The following GLIS3 variants were observed in gnomAD, a reference collection of about 807,000 sequenced individuals.
The protein encoded by GLIS3 is GLIS family zinc finger 3, also known as zinc finger protein GLIS3.
Under a neutral mutation model 78.6 loss-of-function variants are expected in GLIS3, and 53 were observed. The observed-to-expected ratio is 0.67, with a 90% CI of 0.54 to 0.85. The LOEUF (loss-of-function observed/expected upper bound fraction) is 0.85. Ranked by LOEUF, GLIS3 falls within the 40% of genes least tolerant of loss-of-function variation. The pLI, the probability that GLIS3 is intolerant of heterozygous loss-of-function variation, is 0.00. For synonymous variants in GLIS3, 684 were observed against 509.9 expected (o/e 1.34, Z -4.60); for missense variants, 1,703 against 1,231.1 (o/e 1.38, Z -5.74).
intron 2 of GLIS3, among the ~76,000 whole-genome samples, chr9:4,143,127 G>C (rs182325793): frequency 4.4e-4 from 67 of 152,170 alleles, no homozygotes; most frequent in African/African-American, 1.6e-3. Flanking sequence ...GTAAATGTAA[G>C]ATGTATAATG....
chr9:3,970,287 A>T (rs1818283500), intron 4 of GLIS3, among the ~76,000 whole-genome samples: 1 of 152,162 alleles, frequency 6.6e-6, no homozygotes, highest in Non-Finnish European at 1.5e-5. Context: ...CATAAACAAG[A>T]TTTTTTAATG....
chr9:4,414,362 T>C, the GLIS3 span, among the ~76,000 whole-genome samples: 20 of 152,340 alleles, frequency 1.3e-4, no homozygotes, highest in African/African-American at 4.3e-4. Flanking sequence ...AATGTGAGTA[T>C]GCAGAACTTC....
chr9:4,410,475 T>C, the GLIS3 span, among the ~76,000 whole-genome samples: 3 of 152,222 alleles, frequency 2.0e-5, no homozygotes, highest in African/African-American at 7.2e-5. Flanking sequence ...AAAGAATTCA[T>C]GCATCTATTG....
At chr9:4,444,979 T>C in the GLIS3 span, among the ~76,000 whole-genome samples, 1,877 of 152,288 alleles carry the variant, frequency 0.012, 37 homozygotes, top group African/African-American at 0.042. Flanking sequence ...ACATGGAACC[T>C]CTCCCGTTGC....
intron 2 of GLIS3, among the ~76,000 whole-genome samples, chr9:4,170,981 TG>T (rs1212922187): frequency 2.0e-5 from 3 of 152,168 alleles, no homozygotes; most frequent in Admixed American, 2.0e-4. Flanking sequence ...AACTGTGTCA[TG>T]GTAGCACATG....
the GLIS3 span, among the ~76,000 whole-genome samples, chr9:4,461,739 C>G: frequency 1.3e-5 from 2 of 152,148 alleles, no homozygotes; most frequent in East Asian, 3.9e-4. Flanking sequence ...TTTCCCTCAC[C>G]CAATATCAGC....
intron 8 of GLIS3, among the ~76,000 whole-genome samples, chr9:3,876,374 G>A (rs1340658432): frequency 1.3e-5 from 2 of 151,508 alleles, no homozygotes; most frequent in African/African-American, 4.8e-5. Context: ...ATCACAAAAA[G>A]GAAAACAAAC....
chr9:3,862,537 A>G (rs1820280358), intron 8 of GLIS3, among the ~76,000 whole-genome samples: 1 of 152,158 alleles, frequency 6.6e-6, no homozygotes, highest in Non-Finnish European at 1.5e-5. Context: ...TTCTTTAACA[A>G]AATTTACTAA....
rs140261015 is a variant in GLIS3, at chr9:4,134,256, G to T, written c.389-8315C>A. Among the ~76,000 whole-genome samples, 701 of 152,188 alleles carry T rather than the reference G, an allele frequency of 4.6e-3. 10 individuals are homozygous for T. The highest frequency in any genetic ancestry group is 0.016 in the African/African-American group (657 of 41,510). Reference sequence around the variant, plus strand: ...CAATTGAAGTTTTTGCAACTTTGAGGCTCAAAGTTTCCCATTATTTTTAGT... The same window carrying T: ...CAATTGAAGTTTTTGCAACTTTGAGTCTCAAAGTTTCCCATTATTTTTAGT... On this transcript the variant is annotated intron_variant, in intron 2 of 10. Transcript: ENST00000381971.
intron 4 of GLIS3, chr9:4,054,303 C>G (rs1355182974): frequency 1.0e-6 from 1 of 980,886 alleles, no homozygotes; most frequent in Non-Finnish European, 1.2e-6. Flanking sequence ...AAACAACGTA[C>G]TCTACAGATG....
At chr9:4,398,361 C>T in the GLIS3 span, among the ~76,000 whole-genome samples, 2 of 152,124 alleles carry the variant, frequency 1.3e-5, no homozygotes, top group Admixed American at 6.5e-5. Context: ...GACTCCACCC[C>T]GTATCTATGG....
rs1411566765 is a variant in GLIS3 at position 4,203,784 on chromosome 9, G to C, written c.389-77843C>G. The stretch of plus-strand genomic sequence containing the variant: ...TGGAATAGTACACAGCCATAAAAAA[G>C]AACAAAATCATGTCTTTTACAGCAA... On this transcript the variant is annotated intron_variant, in intron 2 of 10. Coordinates refer to ENST00000381971, the MANE Select transcript of GLIS3 (RefSeq NM_001042413.2). 2.6e-5 allele frequency among the ~76,000 whole-genome samples: 4 copies of C among 152,144 alleles called. No individual in the cohort carries two copies. The East Asian group carries it at 7.7e-4, about 29-fold the overall frequency.
At chr9:4,076,421 G>A (rs934747198) in intron 4 of GLIS3, among the ~76,000 whole-genome samples, 8 of 152,196 alleles carry the variant, frequency 5.3e-5, no homozygotes, top group South Asian at 2.1e-4. Context: ...TCCTATGACC[G>A]ATTCCTATGC....
At chr9:4,191,377 C>T (rs183851878) in intron 2 of GLIS3, among the ~76,000 whole-genome samples, 2 of 152,072 alleles carry the variant, frequency 1.3e-5, no homozygotes, top group Non-Finnish European at 2.9e-5. Context: ...TCATAAAAAT[C>T]GTTATCATAA....
chr9:4,360,036 A>G, the GLIS3 span, among the ~76,000 whole-genome samples: 1 of 152,106 alleles, frequency 6.6e-6, no homozygotes, highest in Non-Finnish European at 1.5e-5. Context: ...AAAAAAAAAA[A>G]AATTACACAA....
intron 2 of GLIS3, among the ~76,000 whole-genome samples, chr9:4,197,041 C>G (rs999859154): frequency 3.3e-5 from 5 of 152,162 alleles, no homozygotes; most frequent in African/African-American, 9.7e-5. Flanking sequence ...CAGTGGGGCT[C>G]TGCTCCATGC....
intron 2 of GLIS3, among the ~76,000 whole-genome samples, chr9:4,226,470 G>C (rs1821777784): frequency 6.6e-6 from 1 of 152,252 alleles, no homozygotes; most frequent in East Asian, 1.9e-4. Flanking sequence ...CCAAGAGAAA[G>C]TTAGGGTGTG....
chr9:3,931,005 A>T (rs1825574780), intron 6 of GLIS3, among the ~76,000 whole-genome samples: 1 of 152,216 alleles, frequency 6.6e-6, no homozygotes. Context: ...ATTATTAATT[A>T]ACTTAGCAGT....
At chr9:4,335,179 A>G (rs948412505) in intron 2 of GLIS3, among the ~76,000 whole-genome samples, 11 of 152,102 alleles carry the variant, frequency 7.2e-5, no homozygotes, top group African/African-American at 2.7e-4. Flanking sequence ...AAGTGCTGGG[A>G]TTACAGGCAT....
Sources: gnomAD v4.1 joint callset for allele counts (sites outside exome capture counted in the v4.1 genomes callset) on GRCh38, gnomAD v4.1.1 for gene constraint, MANE v1.5 for transcripts, NCBI Gene and HGNC (gene_info 2026-07-23, HGNC 2026-07-21) for gene names.